Variants in PPP3CC observed in about 807,000 individuals in gnomAD.
PPP3CC encodes serine/threonine-protein phosphatase 2B catalytic subunit gamma isoform.
PPP3CC carries 35 observed loss-of-function variants against 60.3 expected under a neutral mutation model. That is an observed-to-expected ratio of 0.58 (90% CI 0.44 to 0.77). PPP3CC has a LOEUF of 0.77. Ranked by LOEUF, PPP3CC falls within the 30% of genes least tolerant of loss-of-function variation. The pLI is 0.00. For synonymous variants in PPP3CC, 206 were observed against 224.3 expected (o/e 0.92, Z 0.73); for missense variants, 570 against 628.9 (o/e 0.91, Z 1.00).
chr8:22,460,389 G>A (rs933498902), intron 1 of PPP3CC, among the ~76,000 whole-genome samples: 7 of 151,982 alleles, frequency 4.6e-5, no homozygotes, highest in Admixed American at 1.3e-4. Context: ...GTGGAGTCTC[G>A]CTATGTTGCC....
Position 22,532,994 on chromosome 8 carries a change from G to A in PPP3CC, c.1297G>A (p.Gly433Arg), listed in dbSNP as rs749492151. The change falls in exon 12 of 14, where the codon GGA becomes AGA. Residue 433 changes from glycine (G) to arginine (R), a missense_variant. Transcript: ENST00000240139. ...CACACTCCCTCTGGGCGTCCTCTCA[G>A]GAGGCAAGCAGACTATCGAGACAGG... ...TGTLPLGVLS[G>R]GKQTIETATV... 1.9e-6 allele frequency: 3 copies of A among 1,604,454 alleles called. No individual in the cohort carries two copies. Among genetic ancestry groups the A allele is most frequent in the Admixed American group, 3.4e-5 (2 of 59,068 alleles).
At chr8:22,456,159 T>C (rs1334755577) in intron 1 of PPP3CC, among the ~76,000 whole-genome samples, 1 of 152,184 alleles carries the variant, frequency 6.6e-6, no homozygotes, top group Admixed American at 6.6e-5. Flanking sequence ...AGGATAAGAC[T>C]ACCACAATAA....
chr8:22,527,635 A>G, intron 9 of PPP3CC, 118 bp downstream of exon 9: 1 of 928,856 alleles, frequency 1.1e-6, no homozygotes. Flanking sequence ...CTCTACATAG[A>G]TTTTTTTTTT....
chr8:22,540,995 T>C lies in PPP3CC; in HGVS notation c.*193T>C, dbSNP rs2117169699. The C allele has an allele frequency of 2.4e-6, 1 of 421,070 alleles. No homozygotes were observed. Among genetic ancestry groups the C allele is most frequent in the South Asian group, 6.8e-5 (1 of 14,772 alleles). The allele number at this position is 421,070 out of a possible 1,614,324, so 26.1% of individuals were successfully genotyped here. On this transcript the variant is annotated 3_prime_UTR_variant, in exon 14 of 14. Transcript: ENST00000240139. ...ATTTATGTTCAATATATATAAAAAG[T>C]GCATCTGTTTTGTTTTTCCCTTTTT...
intron 10 of PPP3CC, among the ~76,000 whole-genome samples, chr8:22,530,453 TCAAA>T (rs1426355541): frequency 6.6e-6 from 1 of 151,122 alleles, no homozygotes; most frequent in Non-Finnish European, 1.5e-5. Context: ...AGACCCTGTC[TCAAA>T]CAAACAAACA....
intron 1 of PPP3CC, among the ~76,000 whole-genome samples, chr8:22,466,932 A>G (rs1393561854): frequency 6.6e-6 from 1 of 151,834 alleles, no homozygotes; most frequent in Admixed American, 6.6e-5. Context: ...TTTTGTAGAG[A>G]TGGGGGTCTC....
At chr8:22,500,311 C>A (rs1240544089) in intron 4 of PPP3CC, among the ~76,000 whole-genome samples, 1 of 152,136 alleles carries the variant, frequency 6.6e-6, no homozygotes, top group African/African-American at 2.4e-5. Context: ...TGGGTCCCAT[C>A]TGGCTCTAAA....
rs764797394 is a variant in PPP3CC at position 22,475,159 on chromosome 8, A to G, written c.247+8A>G. On this transcript the variant is annotated splice_region_variant and intron_variant, in intron 2 of 13. Coordinates refer to ENST00000240139, the MANE Select transcript of PPP3CC (RefSeq NM_005605.5). Reference sequence around the variant, plus strand: ...TAGATGCTCCAATCACAGGTATAAAAAGTCTTTGCATGATACTTTTTTACA... The same window carrying G: ...TAGATGCTCCAATCACAGGTATAAAGAGTCTTTGCATGATACTTTTTTACA... 20 of 1,603,024 alleles carry G rather than the reference A, an allele frequency of 1.2e-5. No homozygotes were observed. The Admixed American group carries it at 3.4e-4, about 27-fold the overall frequency.
At chr8:22,506,711 G>A (rs1263972529) in intron 4 of PPP3CC, among the ~76,000 whole-genome samples, 1 of 151,986 alleles carries the variant, frequency 6.6e-6, no homozygotes, top group Non-Finnish European at 1.5e-5. Flanking sequence ...GGAGGCCGAG[G>A]CGGGCAGATC....
chr8:22,449,455 A>G (rs1836939778), intron 1 of PPP3CC, among the ~76,000 whole-genome samples: 1 of 150,970 alleles, frequency 6.6e-6, no homozygotes, highest in African/African-American at 2.4e-5. Flanking sequence ...CTCAAAAAAA[A>G]AAAAAAAAAA....
rs1836662972 is a variant in PPP3CC at position 22,441,381 on chromosome 8, C to T, written c.-29C>T. The T allele has an allele frequency of 1.3e-6, 2 of 1,526,210 alleles. No homozygotes were observed. Among genetic ancestry groups the T allele is most frequent in the South Asian group, 1.2e-5 (1 of 81,656 alleles). The allele number at this position is 1,526,210 out of a possible 1,614,324, so 94.5% of individuals were successfully genotyped here. The stretch of plus-strand genomic sequence containing the variant: ...GGCGTAGGCGCACGTCCGGCGGGCT[C>T]CTGGAGCCTGGAGGAGGCCGAGGGG... On this transcript the variant is annotated 5_prime_UTR_variant, in exon 1 of 14. Transcript: ENST00000240139.
At chr8:22,450,743 C>T (rs992003535) in intron 1 of PPP3CC, among the ~76,000 whole-genome samples, 9 of 152,204 alleles carry the variant, frequency 5.9e-5, no homozygotes, top group Admixed American at 5.9e-4. Flanking sequence ...CCTCTCTAGG[C>T]TTGTGTTCCA....
intron 10 of PPP3CC, chr8:22,531,203 C>A: frequency 8.5e-7 from 1 of 1,182,032 alleles, no homozygotes; most frequent in South Asian, 1.3e-5. Flanking sequence ...CATTGCATTT[C>A]ACTTTGATTT....
At chr8:22,479,610 G>C (rs1215961668) in intron 3 of PPP3CC, among the ~76,000 whole-genome samples, 1 of 151,840 alleles carries the variant, frequency 6.6e-6, no homozygotes, top group Non-Finnish European at 1.5e-5. Flanking sequence ...CAGGTGTGGT[G>C]GTGGGCGCCT....
intron 4 of PPP3CC, among the ~76,000 whole-genome samples, chr8:22,509,960 CG>C (rs1839033880): frequency 6.6e-6 from 1 of 152,104 alleles, no homozygotes; most frequent in African/African-American, 2.4e-5. Flanking sequence ...CCAAGGCAGG[CG>C]GATTGCGGGG....
At chr8:22,483,050 G>T (rs1033835904) in intron 3 of PPP3CC, among the ~76,000 whole-genome samples, 3 of 152,174 alleles carry the variant, frequency 2.0e-5, no homozygotes, top group African/African-American at 7.2e-5. Context: ...TACAGTGAAG[G>T]ACAGCAGAAT....
At chr8:22,462,077 A>T (rs980799412) in intron 1 of PPP3CC, among the ~76,000 whole-genome samples, 13 of 152,138 alleles carry the variant, frequency 8.5e-5, no homozygotes, top group African/African-American at 1.9e-4. Context: ...CTTTAAAAAA[A>T]TTTTTTTAAA....
In PPP3CC at chr8:22,487,091, C is replaced by G. The variant is rs577518216; in HGVS notation, c.373-10910C>G. Among the ~76,000 whole-genome samples the G allele has an allele frequency of 2.0e-5, 3 of 152,246 alleles. No individual in the cohort carries two copies. The East Asian group carries it at 5.8e-4, about 29-fold the overall frequency. On this transcript the variant is annotated intron_variant, in intron 3 of 13. Transcript: ENST00000240139. ...CACAACAGCAAATTGGATTTGATAT[C>G]ACTTGTATTTAAATGGTACAAAGTT...
rs566238452 is a variant in PPP3CC at position 22,455,070 on chromosome 8, A to G, written c.49+13612A>G. 1.2e-3 allele frequency among the ~76,000 whole-genome samples: 178 copies of G among 151,884 alleles called. 6 individuals are homozygous for G. The South Asian group carries it at 0.036, about 31-fold the overall frequency. On this transcript the variant is annotated intron_variant, in intron 1 of 13. Transcript: ENST00000240139. ...GACTCCATCTCAAAAAAAAAAAAAA[A>G]AAAAGAAAGAAAGGACTTAAACCTA...
Sources: allele counts gnomAD v4.1 joint callset (sites outside exome capture counted in the v4.1 genomes callset), GRCh38; gene constraint gnomAD v4.1.1; transcripts MANE v1.5; gene names NCBI Gene and HGNC (gene_info 2026-07-23, HGNC 2026-07-21).